The following BCL7C variants were observed in gnomAD, a reference collection of about 807,000 sequenced individuals.
BCL7C encodes the protein B-cell CLL/lymphoma 7 protein family member C.
In BCL7C, 8 loss-of-function variants were observed where a neutral mutation model predicts 26.2. The observed-to-expected ratio is 0.30, with a 90% CI of 0.18 to 0.55. The LOEUF (loss-of-function observed/expected upper bound fraction) is 0.55. Among genes scored for constraint, BCL7C ranks in the 20% least tolerant of loss-of-function variants. BCL7C has a pLI of 0.93. For missense variants in BCL7C, 262 were observed against 298.5 expected (o/e 0.88, Z 0.90); for synonymous variants, 90 against 116.5 (o/e 0.77, Z 1.47).
downstream of BCL7C, among the ~76,000 whole-genome samples, chr16:30,886,473 T>C (rs1420954892): frequency 3.3e-5 from 5 of 152,130 alleles, 1 homozygote; most frequent in Admixed American, 3.3e-4. Flanking sequence ...TGCCACCTCC[T>C]CAGAGAAGCC....
intron 5 of BCL7C, among the ~76,000 whole-genome samples, chr16:30,860,684 AT>A (rs1402509527): frequency 6.6e-6 from 1 of 152,180 alleles, no homozygotes; most frequent in African/African-American, 2.4e-5. Context: ...GGTGGCTGAC[AT>A]CTAGGCATTC....
At chr16:30,835,581 C>G (rs940709734) in intron 5 of BCL7C, among the ~76,000 whole-genome samples, 1 of 152,162 alleles carries the variant, frequency 6.6e-6, no homozygotes, top group Admixed American at 6.5e-5. Flanking sequence ...CTCGGTGGCT[C>G]ACGCCTGTAA....
chr16:30,856,287 A>G (rs1227010232), intron 5 of BCL7C, among the ~76,000 whole-genome samples: 1 of 151,494 alleles, frequency 6.6e-6, no homozygotes, highest in East Asian at 1.9e-4. Flanking sequence ...TAAAAATACA[A>G]AAAATGAGCT....
At chr16:30,847,666 C>T (rs1037103832) in intron 5 of BCL7C, among the ~76,000 whole-genome samples, 4 of 151,896 alleles carry the variant, frequency 2.6e-5, no homozygotes, top group African/African-American at 9.7e-5. Flanking sequence ...CATGATGGTG[C>T]ACACCTGTAA....
chr16:30,887,380 C>T (rs550953685), downstream of BCL7C, among the ~76,000 whole-genome samples: 35 of 150,730 alleles, frequency 2.3e-4, no homozygotes, highest in South Asian at 1.1e-3. Flanking sequence ...CCTGTGGTCC[C>T]GGCTACTTGG....
At chr16:30,840,986 A>AC (rs2054598486) in intron 5 of BCL7C, among the ~76,000 whole-genome samples, 1 of 152,072 alleles carries the variant, frequency 6.6e-6, no homozygotes, top group Non-Finnish European at 1.5e-5. Context: ...ACACAGCCAA[A>AC]CCATATCAAA....
At chr16:30,835,145 A>C in exon 6 of BCL7C, 1 of 1,491,992 alleles carries the variant, frequency 6.7e-7, no homozygotes, top group Non-Finnish European at 9.0e-7. Flanking sequence ...CTCACTCCCG[A>C]ATCCTGTACG....
At chr16:30,874,816 G>T (rs1480686954) in intron 5 of BCL7C, among the ~76,000 whole-genome samples, 1 of 152,178 alleles carries the variant, frequency 6.6e-6, no homozygotes, top group African/African-American at 2.4e-5. Context: ...ACACGGGAAC[G>T]GCAGCTTCTG....
At chr16:30,888,124 G>T in intron 5 of BCL7C, 134 bp from the exon 6 acceptor site, 3 of 785,884 alleles carry the variant, frequency 3.8e-6, no homozygotes, top group East Asian at 3.2e-5. Flanking sequence ...AGATGCCCAG[G>T]ATGCAGAGGA....
intron 5 of BCL7C, among the ~76,000 whole-genome samples, chr16:30,873,954 T>TATACACACACACAC (rs2054907272): frequency 7.3e-6 from 1 of 137,724 alleles, no homozygotes; most frequent in African/African-American, 2.8e-5. Flanking sequence ...GATATATGTA[T>TATACACACACACAC]ACACACACAC....
At chr16:30,881,344 C>T (rs1488405391) in intron 5 of BCL7C, among the ~76,000 whole-genome samples, 5 of 151,106 alleles carry the variant, frequency 3.3e-5, no homozygotes, top group Non-Finnish European at 7.4e-5. Flanking sequence ...TGCAGTGAGC[C>T]GAGATTGCAC....
intron 5 of BCL7C, chr16:30,851,773 C>A: frequency 2.3e-6 from 1 of 435,100 alleles, no homozygotes. Flanking sequence ...GCAAGGTTGG[C>A]TTTGGGAAGT....
chr16:30,887,748 T>A, downstream of BCL7C: 1 of 1,463,014 alleles, frequency 6.8e-7, no homozygotes, highest in East Asian at 2.5e-5. Flanking sequence ...CAAAACTGTC[T>A]CCAAAGACCC....
Position 30,893,881 on chromosome 16 carries a change from T to C in BCL7C, c.64A>G (p.Met22Val), listed in dbSNP as rs545588513. ...SRAKDDIKKV[M>V]ATIEKVRRWE... ...CTCCGGACCTTCTCGATGGTCGCCA[T>C]CACCTTCTTGATGTCATCCTTGGCC... The change falls in exon 1 of 6, where the codon ATG (methionine) becomes GTG (valine). Residue 22 changes from methionine (M) to valine (V), a missense_variant. Physicochemically the swap from Met to Val is conservative, Grantham distance 21. Coordinates refer to ENST00000215115, the MANE Select transcript of BCL7C (RefSeq NM_004765.4). The surrounding 1 kb of genome is among the most constrained non-coding windows in gnomAD (Gnocchi z 5.2). 7 of 1,602,572 alleles carry C rather than the reference T, an allele frequency of 4.4e-6. No individual in the cohort carries two copies. In the South Asian group the frequency reaches 7.7e-5, roughly 18 times the overall value.
At chr16:30,836,471 CT>C (rs762842983) in intron 5 of BCL7C, among the ~76,000 whole-genome samples, 164 of 116,954 alleles carry the variant, frequency 1.4e-3, no homozygotes, top group Middle Eastern at 4.5e-3. Flanking sequence ...GAGACCCTGT[CT>C]TTTTTTTTTT....
rs897260294 is a variant in BCL7C at position 30,892,675 on chromosome 16, G to A, written c.353C>T (p.Thr118Ile). 6 of 1,613,980 alleles carry A rather than the reference G, an allele frequency of 3.7e-6. No individual in the cohort carries two copies. Among genetic ancestry groups the A allele is most frequent in the Non-Finnish European group, 4.2e-6 (5 of 1,179,924 alleles). The change falls in exon 4 of 6, where the codon ACC becomes ATC. Residue 118 changes from threonine (T) to isoleucine (I), a missense_variant. Coordinates refer to ENST00000215115, the MANE Select transcript of BCL7C (RefSeq NM_004765.4). Reference protein sequence around the residue: ...QKGTEPSPGGTPQPSRPVSPA... With the variant: ...QKGTEPSPGGIPQPSRPVSPA... ...TGACACAGGGCGGCTGGGCTGGGGG[G>A]TGCCCCCAGGACTGGGCTCTGTGCC...
intron 5 of BCL7C, among the ~76,000 whole-genome samples, chr16:30,864,650 A>G (rs1427205347): frequency 2.0e-5 from 3 of 152,150 alleles, no homozygotes; most frequent in East Asian, 3.9e-4. Context: ...TTTTCTTATT[A>G]ATATAAGACA....
At chr16:30,858,178 G>A (rs141037330) in intron 5 of BCL7C, among the ~76,000 whole-genome samples, 47 of 152,196 alleles carry the variant, frequency 3.1e-4, no homozygotes, top group Non-Finnish European at 5.1e-4. Context: ...TATACACTAG[G>A]AGAAACCCTA....
intron 4 of BCL7C, 117 bp downstream of exon 4, chr16:30,892,469 A>C: frequency 1.1e-5 from 11 of 957,888 alleles, no homozygotes; most frequent in South Asian, 1.7e-5. Flanking sequence ...AGGAGTCGGA[A>C]GGCGCCTTGA....
Sources: gnomAD v4.1 joint callset for allele counts (sites outside exome capture counted in the v4.1 genomes callset) on GRCh38, gnomAD v4.1.1 for gene constraint, Gnocchi (gnomAD v3.1) non-coding constraint, MANE v1.5 for transcripts, NCBI Gene and HGNC (gene_info 2026-07-23, HGNC 2026-07-21) for gene names.